The following GRIK2 variants were observed in gnomAD, a reference collection of about 807,000 sequenced individuals.
GRIK2 encodes glutamate receptor ionotropic, kainate 2.
GRIK2 carries 32 observed loss-of-function variants against 100.3 expected under a neutral mutation model. The ratio of observed to expected loss-of-function variants is 0.32; its 90% CI spans 0.24 to 0.43. GRIK2 has a LOEUF of 0.43. GRIK2 is among the 20% of genes least tolerant of loss of function. The probability of loss-of-function intolerance (pLI) is 1.00; values close to 1 mark genes in which losing one functional copy is unlikely to be tolerated. For missense variants in GRIK2, 843 were observed against 1,114.9 expected, an observed-to-expected ratio of 0.76 and a Z score of 3.47; for synonymous variants, 417 against 389.4, an observed-to-expected ratio of 1.07 and a Z score of -0.83.
chr6:102,012,900 G>T (rs1041201459), intron 14 of GRIK2, among the ~76,000 whole-genome samples: 8 of 152,082 alleles, frequency 5.3e-5, no homozygotes, highest in African/African-American at 1.9e-4. Flanking sequence ...TTGCTTAGGA[G>T]TGCCTTGACT....
rs1271643382 is a variant in GRIK2 at position 101,509,064 on chromosome 6, A to T, written c.115+109672A>T. Among the ~76,000 whole-genome samples the T allele has an allele frequency of 2.7e-5, 4 of 150,706 alleles. No individual in the cohort carries two copies. In the East Asian group the frequency reaches 8.0e-4, roughly 30 times the overall value. ...TCACAGCTACTCGGGAGGCTGAGTC[A>T]GGAGAATGGCGTCAACCAGGGAGGC... On this transcript the variant is annotated intron_variant, in intron 2 of 16. Coordinates refer to ENST00000369134, the MANE Select transcript of GRIK2 (RefSeq NM_021956.5).
At chr6:102,032,979 T>G (rs1190249038) in intron 14 of GRIK2, among the ~76,000 whole-genome samples, 1 of 151,264 alleles carries the variant, frequency 6.6e-6, no homozygotes, top group African/African-American at 2.4e-5. Context: ...AGTGCACTGA[T>G]TAAGATTATG....
chr6:101,847,378 C>T (rs1312073131), intron 10 of GRIK2, among the ~76,000 whole-genome samples: 1 of 152,000 alleles, frequency 6.6e-6, no homozygotes, highest in African/African-American at 2.4e-5. Flanking sequence ...TATAATATTG[C>T]AACTCTAGAA....
intron 2 of GRIK2, among the ~76,000 whole-genome samples, chr6:101,552,356 C>A (rs530281539): frequency 2.6e-5 from 4 of 152,224 alleles, no homozygotes; most frequent in Admixed American, 2.6e-4. Context: ...TAAACTTTAA[C>A]CCAAAGGATC....
intron 14 of GRIK2, among the ~76,000 whole-genome samples, chr6:101,935,346 T>A (rs1286802817): frequency 6.6e-6 from 1 of 151,932 alleles, no homozygotes; most frequent in Non-Finnish European, 1.5e-5. Flanking sequence ...GTCTTTTCCC[T>A]TTTGAGCACT....
chr6:101,718,369 T>G (rs1005020876), intron 7 of GRIK2, among the ~76,000 whole-genome samples: 1 of 151,900 alleles, frequency 6.6e-6, no homozygotes, highest in Non-Finnish European at 1.5e-5. Context: ...TTATAAACAC[T>G]TCTATGGAAA....
chr6:101,778,253 G>C (rs1292535385), intron 7 of GRIK2, among the ~76,000 whole-genome samples: 1 of 152,080 alleles, frequency 6.6e-6, no homozygotes. Context: ...TGTTTAATTT[G>C]CTAGGATTCT....
chr6:101,894,437 G>A (rs1245364961), intron 12 of GRIK2, among the ~76,000 whole-genome samples: 1 of 151,648 alleles, frequency 6.6e-6, no homozygotes, highest in Non-Finnish European at 1.5e-5. Context: ...CTGGGATAGT[G>A]CTTTCTAGAC....
At chr6:101,739,430 T>C (rs1775884758) in intron 7 of GRIK2, among the ~76,000 whole-genome samples, 1 of 152,168 alleles carries the variant, frequency 6.6e-6, no homozygotes, top group Non-Finnish European at 1.5e-5. Context: ...GACACTGTGA[T>C]AAATGAAAGA....
chr6:101,693,449 C>T (rs1402640542), intron 7 of GRIK2, among the ~76,000 whole-genome samples: 1 of 150,812 alleles, frequency 6.6e-6, no homozygotes, highest in Admixed American at 6.6e-5. Flanking sequence ...AAAAAAAAAA[C>T]TTTACCTGTC....
chr6:101,910,723 CTTGAAA>C (rs1273011277), intron 12 of GRIK2, among the ~76,000 whole-genome samples: 1 of 150,952 alleles, frequency 6.6e-6, no homozygotes, highest in East Asian at 1.9e-4. Context: ...TACCATTTAT[CTTGAAA>C]TTGAAACAAA....
chr6:101,787,493 T>C (rs940962125), intron 7 of GRIK2, among the ~76,000 whole-genome samples: 1 of 152,166 alleles, frequency 6.6e-6, no homozygotes, highest in African/African-American at 2.4e-5. Flanking sequence ...TTTTGATGTG[T>C]TGTGTTTCCA....
At chr6:101,957,925 C>G (rs369608948) in intron 14 of GRIK2, among the ~76,000 whole-genome samples, 2 of 152,004 alleles carry the variant, frequency 1.3e-5, no homozygotes, top group South Asian at 2.1e-4. Context: ...GTTTTAGTTA[C>G]TGTAACCTTG....
At chr6:102,001,497 G>C (rs1443646007) in intron 14 of GRIK2, among the ~76,000 whole-genome samples, 1 of 151,902 alleles carries the variant, frequency 6.6e-6, no homozygotes, top group Non-Finnish European at 1.5e-5. Flanking sequence ...GAGAATGAAG[G>C]TTTCCAGCTT....
At chr6:101,400,680 C>T (rs1418228442) in intron 2 of GRIK2, among the ~76,000 whole-genome samples, 1 of 152,112 alleles carries the variant, frequency 6.6e-6, no homozygotes, top group Non-Finnish European at 1.5e-5. Flanking sequence ...TGTGTTTTAT[C>T]CCCCCAATGA....
intron 2 of GRIK2, among the ~76,000 whole-genome samples, chr6:101,405,680 G>A (rs920871655): frequency 3.3e-5 from 5 of 152,122 alleles, no homozygotes; most frequent in African/African-American, 4.8e-5. Context: ...AATGTAGTAA[G>A]TCCCTTCTGC....
chr6:102,063,068 T>C (rs1771835085), intron 16 of GRIK2, among the ~76,000 whole-genome samples: 2 of 150,570 alleles, frequency 1.3e-5, no homozygotes, highest in Admixed American at 6.6e-5. Context: ...CCATAATTAG[T>C]TAACAAATAA....
intron 7 of GRIK2, among the ~76,000 whole-genome samples, chr6:101,731,613 T>C (rs1486120308): frequency 6.6e-6 from 1 of 151,956 alleles, no homozygotes; most frequent in Non-Finnish European, 1.5e-5. Flanking sequence ...GTTACTCTTA[T>C]ACAGATATAA....
intron 2 of GRIK2, among the ~76,000 whole-genome samples, chr6:101,585,389 A>C (rs906180376): frequency 2.0e-5 from 3 of 152,108 alleles, no homozygotes; most frequent in Non-Finnish European, 4.4e-5. Flanking sequence ...AAACATATTC[A>C]TGTCTTTATT....
Sources: gnomAD v4.1 joint callset for allele counts (sites outside exome capture counted in the v4.1 genomes callset) on GRCh38, gnomAD v4.1.1 for gene constraint, MANE v1.5 for transcripts, NCBI Gene and HGNC (gene_info 2026-07-23, HGNC 2026-07-21) for gene names.